UBR4: variants seen among roughly 807,000 people sequenced by gnomAD.
UBR4 encodes the protein E3 ubiquitin-protein ligase UBR4.
UBR4 carries 124 observed loss-of-function variants against 575.6 expected under a neutral mutation model. The ratio of observed to expected loss-of-function variants is 0.22; its 90% CI spans 0.19 to 0.25. UBR4 has a LOEUF of 0.25. Ranked by LOEUF, UBR4 falls within the 10% of genes least tolerant of loss-of-function variation. The pLI, the probability that UBR4 is intolerant of heterozygous loss-of-function variation, is 1.00. For synonymous variants in UBR4, 2,455 were observed against 2,473.7 expected (o/e 0.99, Z 0.22); for missense variants, 4,818 against 6,478.8 (o/e 0.74, Z 8.80).
intron 19 of UBR4, 48 bp downstream of exon 19, chr1:19,177,413 T>C: frequency 1.9e-6 from 3 of 1,594,808 alleles, no homozygotes; most frequent in Non-Finnish European, 2.6e-6. Flanking sequence ...TTGAGAAGAA[T>C]AAAGTTCTCA....
At position 19,114,686 on chromosome 1, in the gene UBR4, C is replaced by A; in HGVS notation, c.11202+125G>T. 2 of 1,236,702 alleles carry A rather than the reference C, an allele frequency of 1.6e-6. 1 individual carries two copies. The highest frequency in any genetic ancestry group is 2.2e-6 in the Non-Finnish European group (2 of 894,126). The allele number at this position is 1,236,702 out of a possible 1,614,324, so 76.6% of individuals were successfully genotyped here. A position where few individuals can be genotyped will look rare whatever the true frequency, so the allele number is the denominator to read the frequency against. On this transcript the variant is annotated intron_variant, in intron 75 of 105. Coordinates refer to ENST00000375254, the MANE Select transcript of UBR4 (RefSeq NM_020765.3). ...TCTTTGCTCCCACCCAAAAGCTGGG[C>A]CCTGAAACTGGTGTTGAGTCGAAGA...
At chr1:19,123,184 G>T in intron 65 of UBR4, 124 bp from the exon 66 acceptor site, 1 of 1,024,022 alleles carries the variant, frequency 9.8e-7, no homozygotes, top group Non-Finnish European at 1.4e-6. Flanking sequence ...GGGCACGGTG[G>T]CTCACAGCTG....
intron 32 of UBR4, 117 bp downstream of exon 32, chr1:19,164,682 A>G: frequency 7.5e-7 from 1 of 1,337,970 alleles, no homozygotes; most frequent in South Asian, 1.3e-5. Flanking sequence ...GTCTAGAGAG[A>G]GGTAGATACA....
intron 9 of UBR4, 22 bp from the exon 10 acceptor site, chr1:19,192,562 C>G: frequency 3.1e-6 from 5 of 1,613,532 alleles, no homozygotes; most frequent in Non-Finnish European, 3.4e-6. Flanking sequence ...CAAACAGACA[C>G]AAAAATCTGA....
chr1:19,096,764 T>A, intron 91 of UBR4, 114 bp from the exon 92 acceptor site: 1 of 1,451,242 alleles, frequency 6.9e-7, no homozygotes, highest in Non-Finnish European at 9.3e-7. Flanking sequence ...CTTTTCCGTA[T>A]CTCCAATAAA....
chr1:19,113,060 G>T, intron 77 of UBR4, 193 bp from the exon 78 acceptor site: 2 of 603,350 alleles, frequency 3.3e-6, no homozygotes, highest in South Asian at 4.9e-5. Flanking sequence ...AAAGTGGCTT[G>T]ACCAAGATAA....
intron 83 of UBR4, 30 bp from the exon 84 acceptor site, chr1:19,105,872 G>A (rs2079136018): frequency 1.3e-6 from 2 of 1,506,530 alleles, no homozygotes; most frequent in Admixed American, 2.4e-5. Flanking sequence ...AGGGGTCGTA[G>A]ACTCAGAGGA....
At position 19,093,281 on chromosome 1, in the gene UBR4, C is replaced by A. The variant is rs1162742337; in HGVS notation, c.14111+32G>T. On this transcript the variant is annotated intron_variant, in intron 96 of 105. Coordinates refer to ENST00000375254, the MANE Select transcript of UBR4 (RefSeq NM_020765.3). This position sits in a 1 kb window ranked among gnomAD's most constrained non-coding sequence, Gnocchi z 4.8. ...GGAAAAGGAAAGGGCAAAGCGAAGG[C>A]AAAGCAGCCCCGCTGCGGGAGGGCT... is the stretch of plus-strand genomic sequence containing the variant. 1.2e-6 allele frequency: 2 copies of A among 1,604,818 alleles called. No individual in the cohort carries two copies. Among genetic ancestry groups the A allele is most frequent in the Non-Finnish European group, 1.7e-6 (2 of 1,175,180 alleles).
chr1:19,150,149 C>A (rs2085461656), intron 49 of UBR4, among the ~76,000 whole-genome samples: 1 of 152,180 alleles, frequency 6.6e-6, no homozygotes, highest in African/African-American at 2.4e-5. Flanking sequence ...GACAGCCTCT[C>A]TTGCTGGCAA....
intron 39 of UBR4, 134 bp from the exon 40 acceptor site, chr1:19,158,131 T>C: frequency 1.2e-6 from 1 of 815,346 alleles, no homozygotes; most frequent in Non-Finnish European, 1.9e-6. Flanking sequence ...CTCCAAACCG[T>C]GGATGGCTGT....
intron 90 of UBR4, among the ~76,000 whole-genome samples, chr1:19,098,419 A>G (rs1333361260): frequency 6.6e-6 from 1 of 152,264 alleles, no homozygotes; most frequent in Admixed American, 6.5e-5. Flanking sequence ...TGAGGGGCAA[A>G]TGATTCTCAA....
At chr1:19,138,905 T>C (rs559700836) in intron 59 of UBR4, among the ~76,000 whole-genome samples, 178 bp downstream of exon 59, 1 of 152,198 alleles carries the variant, frequency 6.6e-6, no homozygotes, top group Non-Finnish European at 1.5e-5. Context: ...CACTAAACAT[T>C]TGAAACTCGA....
intron 99 of UBR4, 140 bp from the exon 100 acceptor site, chr1:19,086,961 C>T: frequency 1.7e-6 from 2 of 1,167,266 alleles, no homozygotes; most frequent in South Asian, 1.6e-5. Context: ...TTCAGAAGAG[C>T]AGGTAAGGCC....
chr1:19,153,506 G>A lies in UBR4; in HGVS notation c.6631-4C>T, dbSNP rs2086015656. The A allele has an allele frequency of 2.5e-6, 4 of 1,613,724 alleles. No homozygotes were observed. The East Asian group carries it at 6.7e-5, about 27-fold the overall frequency. ...TAATAGCAACCATGTCTTGGATCTA[G>A]GAGGAGAGGACAAAGGAGGGTCTTC... On this transcript the variant is annotated splice_region_variant and splice_polypyrimidine_tract_variant and intron_variant, in intron 45 of 105. Transcript: ENST00000375254. The surrounding 1 kb of genome is among the most constrained non-coding windows in gnomAD (Gnocchi z 4.1).
In UBR4 at chr1:19,167,037, T is replaced by C. The variant is rs766829290; in HGVS notation, c.4094A>G (p.His1365Arg). 6.2e-7 allele frequency: 1 copy of C among 1,614,224 alleles called. No individual in the cohort carries two copies. The highest frequency in any genetic ancestry group is 2.2e-5 in the East Asian group (1 of 44,892). The stretch of plus-strand genomic sequence containing the variant: ...TCAGGCTCACCTGTTAGGATCTGCA[T>C]GATTGGCCAGAATGTTGTAACAACC... ...ITGCYNILAN[H>R]ADPNSGLDES... Residue 1365 changes from histidine (H) to arginine (R), a missense_variant, in exon 29 of 106, where the codon CAT (histidine) becomes CGT (arginine). By Grantham distance (29) the His-to-Arg change is conservative. This residue lies in a region of UBR4 where 1,172 missense variants were observed against 1,259.7 expected (regional missense o/e 0.93). Coordinates refer to ENST00000375254, the MANE Select transcript of UBR4 (RefSeq NM_020765.3).
intron 85 of UBR4, 146 bp from the exon 86 acceptor site, chr1:19,104,812 C>G: frequency 9.0e-7 from 1 of 1,110,464 alleles, no homozygotes. Context: ...TTCCAGGAAG[C>G]CAACAGTCAC....
rs1347851091 is a variant in UBR4 at position 19,114,795 on chromosome 1, C to T, written c.11202+16G>A. ...TCAAGGCCACAGCCCTGAGTCTAGG[C>T]CAGATCTGGCCTCACCTTCTTCCGG... On this transcript the variant is annotated intron_variant, in intron 75 of 105. Transcript: ENST00000375254. The T allele has an allele frequency of 1.9e-6, 3 of 1,613,676 alleles. No individual in the cohort carries two copies. Among genetic ancestry groups the T allele is most frequent in the African/African-American group, 2.7e-5 (2 of 74,904 alleles).
Position 19,176,705 on chromosome 1 carries a change from G to A in UBR4, c.2660C>T (p.Pro887Leu). The part of the protein sequence containing the change: ...FEQVQHNLLS[P>L]PFGWASGSQD... ...GGATCCACTTGCCCACCCAAAGGGA[G>A]GACTTAGCAGGTTATGCTGTACCTT... Residue 887 changes from proline (P) to leucine (L), a missense_variant, in exon 20 of 106, where the codon CCT becomes CTT. Around this residue, in one of 29 missense-constraint regions of UBR4, gnomAD observed 1,172 missense variants for 1,259.7 expected, o/e 0.93. Coordinates refer to ENST00000375254, the MANE Select transcript of UBR4 (RefSeq NM_020765.3). The A allele has an allele frequency of 6.2e-7, 1 of 1,614,092 alleles. No homozygotes were observed. Among genetic ancestry groups the A allele is most frequent in the South Asian group, 1.1e-5 (1 of 91,082 alleles).
At position 19,100,105 on chromosome 1, in the gene UBR4, G is replaced by A. The variant is rs753526565; in HGVS notation, c.13221+271C>T. 23 of 489,542 alleles carry A rather than the reference G, an allele frequency of 4.7e-5. No homozygotes were observed. The highest frequency in any genetic ancestry group is 5.3e-4 in the Middle Eastern group (1 of 1,898). The allele number at this position is 489,542 out of a possible 1,614,324, so 30.3% of individuals were successfully genotyped here. On this transcript the variant is annotated intron_variant, in intron 89 of 105. Transcript: ENST00000375254. The surrounding 1 kb of genome is among the most constrained non-coding windows in gnomAD (Gnocchi z 4.2). ...AGAAGTCTCTGCCAGAGGCAATAAC[G>A]ATAATAAATACCCACCACCACTACA...
Sources: gnomAD v4.1 joint callset for allele counts (sites outside exome capture counted in the v4.1 genomes callset) on GRCh38, gnomAD v4.1.1 for gene constraint, gnomAD v4.1.1 regional missense constraint, Gnocchi (gnomAD v3.1) non-coding constraint, MANE v1.5 for transcripts, NCBI Gene and HGNC (gene_info 2026-07-23, HGNC 2026-07-21) for gene names.